Variants in CDKAL1 observed in about 807,000 individuals in gnomAD.
CDKAL1 encodes CDKAL1 threonylcarbamoyladenosine tRNA methylthiotransferase.
Under a neutral mutation model 68.2 loss-of-function variants are expected in CDKAL1, and 32 were observed. That is an observed-to-expected ratio of 0.47 (90% CI 0.35 to 0.63). CDKAL1 has a LOEUF of 0.63. Ranked by LOEUF, CDKAL1 falls within the 30% of genes least tolerant of loss-of-function variation. The pLI, the probability that CDKAL1 is intolerant of heterozygous loss-of-function variation, is 0.00. For missense variants in CDKAL1, 606 were observed against 696.7 expected (o/e 0.87, Z 1.47); for synonymous variants, 234 against 244.3 (o/e 0.96, Z 0.39).
chr6:20,545,044 C>T (rs1034611173), intron 2 of CDKAL1, among the ~76,000 whole-genome samples: 1 of 151,706 alleles, frequency 6.6e-6, no homozygotes, highest in African/African-American at 2.4e-5. Context: ...TTTCTGTCTT[C>T]CTAGGCTGCC....
chr6:20,623,629 A>C (rs1767292784), intron 4 of CDKAL1, among the ~76,000 whole-genome samples: 1 of 152,104 alleles, frequency 6.6e-6, no homozygotes, highest in African/African-American at 2.4e-5. Flanking sequence ...TACAAAGTGA[A>C]TCAAAGTTGG....
intron 13 of CDKAL1, among the ~76,000 whole-genome samples, chr6:21,111,600 T>C (rs1236346162): frequency 6.6e-6 from 1 of 152,196 alleles, no homozygotes; most frequent in Non-Finnish European, 1.5e-5. Context: ...AGCCATTGTT[T>C]AGGTTGTAAA....
chr6:21,042,152 C>T (rs1295315493), intron 11 of CDKAL1, among the ~76,000 whole-genome samples: 2 of 152,042 alleles, frequency 1.3e-5, no homozygotes, highest in African/African-American at 4.8e-5. Flanking sequence ...AGTCTTAATC[C>T]ATTTTGAGTC....
chr6:20,898,965 G>A (rs1761829505), intron 9 of CDKAL1, among the ~76,000 whole-genome samples: 1 of 151,890 alleles, frequency 6.6e-6, no homozygotes, highest in Non-Finnish European at 1.5e-5. Flanking sequence ...GAAATGGAGA[G>A]TCAGGGGGCT....
chr6:20,697,744 A>G (rs933078434), intron 5 of CDKAL1, among the ~76,000 whole-genome samples: 1 of 152,218 alleles, frequency 6.6e-6, no homozygotes, highest in Non-Finnish European at 1.5e-5. Flanking sequence ...TTTGTCATTC[A>G]TAATGGTTAG....
intron 5 of CDKAL1, among the ~76,000 whole-genome samples, chr6:20,680,267 A>T (rs374131720): frequency 6.6e-6 from 1 of 152,084 alleles, no homozygotes; most frequent in Non-Finnish European, 1.5e-5. Context: ...GGGTTTTGCC[A>T]TGTTGGCCAG....
At chr6:21,115,964 TA>T (rs151188051) in intron 13 of CDKAL1, among the ~76,000 whole-genome samples, 24,346 of 152,062 alleles carry the variant, frequency 0.16, 2,093 homozygotes, top group East Asian at 0.33. Flanking sequence ...AGGGTAACCC[TA>T]GCCATTCCTT....
At chr6:21,103,084 A>G (rs1773662654) in intron 12 of CDKAL1, among the ~76,000 whole-genome samples, 1 of 152,250 alleles carries the variant, frequency 6.6e-6, no homozygotes, top group Admixed American at 6.5e-5. Context: ...CCGTATGTAG[A>G]AATGAAGTCC....
At chr6:20,785,572 A>G (rs531795861) in intron 8 of CDKAL1, among the ~76,000 whole-genome samples, 1 of 151,978 alleles carries the variant, frequency 6.6e-6, no homozygotes, top group East Asian at 1.9e-4. Flanking sequence ...CAGCCTCCCA[A>G]ATTGCTGGGA....
At chr6:20,671,638 T>C (rs183887336) in intron 5 of CDKAL1, among the ~76,000 whole-genome samples, 255 of 152,314 alleles carry the variant, frequency 1.7e-3, no homozygotes, top group African/African-American at 6.0e-3. Context: ...CGGTGTGAAG[T>C]ATGAATCTAC....
At chr6:21,124,291 T>A (rs1215610830) in intron 13 of CDKAL1, among the ~76,000 whole-genome samples, 1 of 152,166 alleles carries the variant, frequency 6.6e-6, no homozygotes, top group South Asian at 2.1e-4. Flanking sequence ...TCTTCTGGCT[T>A]CTCTGGCTTC....
intron 4 of CDKAL1, among the ~76,000 whole-genome samples, chr6:20,592,398 C>T (rs1765628677): frequency 6.6e-6 from 1 of 151,360 alleles, no homozygotes; most frequent in Admixed American, 6.6e-5. Flanking sequence ...TACTATGTTA[C>T]TATGTTGAAT....
chr6:21,027,290 C>A (rs1323393845), intron 11 of CDKAL1, among the ~76,000 whole-genome samples: 1 of 152,172 alleles, frequency 6.6e-6, no homozygotes, highest in Non-Finnish European at 1.5e-5. Flanking sequence ...AATACTCCAA[C>A]TTTACCTAAC....
intron 9 of CDKAL1, among the ~76,000 whole-genome samples, chr6:20,931,975 G>T: frequency 6.6e-6 from 1 of 152,104 alleles, no homozygotes; most frequent in East Asian, 1.9e-4. Flanking sequence ...CTGCGTTAGT[G>T]CCCACACAGA....
chr6:20,535,281 A>G (rs1291011771), intron 1 of CDKAL1, 70 bp from the exon 2 acceptor site: 1 of 152,354 alleles, frequency 6.6e-6, no homozygotes, highest in Non-Finnish European at 1.5e-5. Context: ...CCTTTTAAGT[A>G]AAGAATCCTT....
intron 12 of CDKAL1, among the ~76,000 whole-genome samples, chr6:21,075,017 G>T (rs1299159900): frequency 2.0e-5 from 3 of 151,858 alleles, no homozygotes; most frequent in East Asian, 3.9e-4. Flanking sequence ...CTTGCCAAAA[G>T]AATAATCAGT....
At chr6:21,100,089 T>C (rs925533163) in intron 12 of CDKAL1, among the ~76,000 whole-genome samples, 1 of 152,158 alleles carries the variant, frequency 6.6e-6, no homozygotes, top group African/African-American at 2.4e-5. Flanking sequence ...CCAGGATAAA[T>C]GGTGCCTGCT....
At chr6:21,113,186 A>C (rs1774208016) in intron 13 of CDKAL1, among the ~76,000 whole-genome samples, 1 of 152,370 alleles carries the variant, frequency 6.6e-6, no homozygotes, top group South Asian at 2.1e-4. Context: ...AGGGTAAAAT[A>C]ATTGGGATCA....
chr6:20,985,528 C>G (rs1015143603), intron 10 of CDKAL1, among the ~76,000 whole-genome samples: 2 of 152,206 alleles, frequency 1.3e-5, no homozygotes, highest in African/African-American at 4.8e-5. Flanking sequence ...CTCCTGATCT[C>G]AGGTGATCTG....
Sources: gnomAD v4.1 joint callset for allele counts (sites outside exome capture counted in the v4.1 genomes callset) on GRCh38, gnomAD v4.1.1 for gene constraint, MANE v1.5 for transcripts, NCBI Gene and HGNC (gene_info 2026-07-23, HGNC 2026-07-21) for gene names.